The following MTMR12 variants were observed in gnomAD, a reference collection of about 807,000 sequenced individuals.
The protein encoded by MTMR12 is myotubularin related protein 12, also known as myotubularin-related protein 12.
Under a neutral mutation model 96.7 loss-of-function variants are expected in MTMR12, and 33 were observed. That is an observed-to-expected ratio of 0.34 (90% CI 0.26 to 0.46). MTMR12 has a LOEUF of 0.46. MTMR12 is among the 20% of genes least tolerant of loss of function. The pLI is 1.00. For missense variants in MTMR12, 721 were observed against 896.1 expected (o/e 0.80, Z 2.49); for synonymous variants, 298 against 327.2 (o/e 0.91, Z 0.96).
chr5:32,311,335 G>A (rs1751588720), intron 1 of MTMR12, among the ~76,000 whole-genome samples: 1 of 152,244 alleles, frequency 6.6e-6, no homozygotes, highest in South Asian at 2.1e-4. Flanking sequence ...AGTGCTAACA[G>A]AGGAAATGGT....
At chr5:32,267,124 C>T (rs1749630123) in intron 6 of MTMR12, among the ~76,000 whole-genome samples, 1 of 151,296 alleles carries the variant, frequency 6.6e-6, no homozygotes, top group Non-Finnish European at 1.5e-5. Flanking sequence ...AACCTGTAAT[C>T]CCATCACTTT....
At chr5:32,248,703 C>T in intron 9 of MTMR12, 69 bp downstream of exon 9, 2 of 1,205,824 alleles carry the variant, frequency 1.7e-6, no homozygotes, top group Non-Finnish European at 2.5e-6. Context: ...AGACATACTA[C>T]TAAGAGCTGT....
intron 6 of MTMR12, among the ~76,000 whole-genome samples, chr5:32,268,360 T>C (rs1749690024): frequency 6.6e-6 from 1 of 151,736 alleles, no homozygotes; most frequent in South Asian, 2.1e-4. Context: ...ATACAAAAAT[T>C]AGTCAGGCAT....
chr5:32,276,449 T>C (rs916427474), intron 2 of MTMR12, among the ~76,000 whole-genome samples: 7 of 152,240 alleles, frequency 4.6e-5, no homozygotes, highest in Non-Finnish European at 8.8e-5. Flanking sequence ...TCCAGGTTTA[T>C]TTTCATCAGT....
chr5:32,296,493 A>AG (rs1750929492), intron 1 of MTMR12: 2 of 370,080 alleles, frequency 5.4e-6, no homozygotes, highest in Non-Finnish European at 1.1e-5. Flanking sequence ...AAAAGAAACG[A>AG]GAAAAAAAAA....
At chr5:32,268,618 T>A in intron 6 of MTMR12, 83 bp downstream of exon 6, 1 of 1,146,338 alleles carries the variant, frequency 8.7e-7, no homozygotes, top group Admixed American at 1.8e-5. Flanking sequence ...AAACAACCCA[T>A]AGATGTGTTC....
intron 14 of MTMR12, 22 bp downstream of exon 14, chr5:32,234,940 G>A: frequency 6.3e-7 from 1 of 1,591,388 alleles, no homozygotes. Flanking sequence ...TTAATACACA[G>A]GTTCCTAAGA....
intron 8 of MTMR12, among the ~76,000 whole-genome samples, chr5:32,253,904 G>A (rs114020238): frequency 0.022 from 3,334 of 152,328 alleles, 133 homozygotes; most frequent in African/African-American, 0.075. Flanking sequence ...GATTATAGGC[G>A]TGAGCCACTA....
chr5:32,296,137 C>T (rs1367634247), intron 1 of MTMR12, among the ~76,000 whole-genome samples: 2 of 151,134 alleles, frequency 1.3e-5, no homozygotes, highest in Non-Finnish European at 2.9e-5. Flanking sequence ...CCAGCCTGGA[C>T]GATGAGGCAA....
chr5:32,252,730 A>G (rs1278917122), intron 8 of MTMR12, among the ~76,000 whole-genome samples: 1 of 152,250 alleles, frequency 6.6e-6, no homozygotes, highest in Non-Finnish European at 1.5e-5. Context: ...TACTGTAAAT[A>G]ATATTTTCCA....
intron 10 of MTMR12, chr5:32,247,796 A>T: frequency 1.0e-6 from 1 of 985,250 alleles, no homozygotes; most frequent in East Asian, 1.1e-4. Flanking sequence ...CACTGCCACA[A>T]TAAGGAGGCG....
chr5:32,279,076 C>CAAAAAAAAAAAAAAAAAAA (rs35999870), intron 1 of MTMR12, among the ~76,000 whole-genome samples: 1 of 50,532 alleles, frequency 2.0e-5, no homozygotes, highest in Non-Finnish European at 3.8e-5. Flanking sequence ...AACTCTGTCT[C>CAAAAAAAAAAAAAAAAAAA]AAAAAAAAAA....
intron 10 of MTMR12, among the ~76,000 whole-genome samples, chr5:32,245,496 T>C (rs59953683): frequency 0.44 from 67,408 of 151,992 alleles, 15,913 homozygotes; most frequent in African/African-American, 0.6. Context: ...GAAGTCTTCC[T>C]GGGCATTTTT....
intron 1 of MTMR12, among the ~76,000 whole-genome samples, chr5:32,298,522 C>T (rs1751008016): frequency 6.6e-6 from 1 of 152,108 alleles, no homozygotes; most frequent in Non-Finnish European, 1.5e-5. Flanking sequence ...CATGAAACGA[C>T]TCACTGAAAA....
intron 1 of MTMR12, among the ~76,000 whole-genome samples, chr5:32,301,657 G>A (rs1278050175): frequency 6.6e-6 from 1 of 152,200 alleles, no homozygotes; most frequent in African/African-American, 2.4e-5. Context: ...TTGGGGGGCC[G>A]AGGTGGGTGG....
At chr5:32,232,193 G>A (rs965616879) in intron 15 of MTMR12, among the ~76,000 whole-genome samples, 2 of 152,120 alleles carry the variant, frequency 1.3e-5, no homozygotes, top group Non-Finnish European at 2.9e-5. Context: ...GCATTTGCAC[G>A]GCAGCACCAC....
intron 15 of MTMR12, among the ~76,000 whole-genome samples, chr5:32,230,939 G>C (rs1281001251): frequency 6.6e-6 from 1 of 152,212 alleles, no homozygotes; most frequent in South Asian, 2.1e-4. Flanking sequence ...AGGCAGGTGA[G>C]AGCAAAGAAA....
chr5:32,290,612 C>T (rs186695949), intron 1 of MTMR12, among the ~76,000 whole-genome samples: 1 of 152,074 alleles, frequency 6.6e-6, no homozygotes, highest in African/African-American at 2.4e-5. Context: ...ATTGAGTGAC[C>T]CATTTATTGA....
chr5:32,251,704 C>T (rs1017910544), intron 8 of MTMR12, among the ~76,000 whole-genome samples: 1 of 152,132 alleles, frequency 6.6e-6, no homozygotes, highest in African/African-American at 2.4e-5. Flanking sequence ...CAAAAACAGA[C>T]ATAGCAGAAT....
Sources: gnomAD v4.1 joint callset for allele counts (sites outside exome capture counted in the v4.1 genomes callset) on GRCh38, gnomAD v4.1.1 for gene constraint, MANE v1.5 for transcripts, NCBI Gene and HGNC (gene_info 2026-07-23, HGNC 2026-07-21) for gene names.